The following NIBAN1 variants were observed in gnomAD, a reference collection of about 807,000 sequenced individuals.
NIBAN1 encodes the protein protein Niban 1.
In NIBAN1, 81 loss-of-function variants were observed where a neutral mutation model predicts 75.1. The ratio of observed to expected loss-of-function variants is 1.08; its 90% CI spans 0.90 to 1.30. The LOEUF is 1.30. Among genes scored for constraint, NIBAN1 ranks in the 50% most tolerant of loss-of-function variants. The probability of loss-of-function intolerance (pLI) is 0.00; values close to 1 mark genes in which losing one functional copy is unlikely to be tolerated. For missense variants in NIBAN1, 1,133 were observed against 1,128.1 expected (o/e 1.00, Z -0.06); for synonymous variants, 436 against 424.8 (o/e 1.03, Z -0.32).
chr1:184,890,270 T>A (rs778394599), intron 3 of NIBAN1, 48 bp from the exon 4 acceptor site: 1 of 1,401,886 alleles, frequency 7.1e-7, no homozygotes, highest in South Asian at 1.2e-5. Context: ...CCCCATTTGA[T>A]TTTTGGAAAA....
At chr1:184,873,051 AG>A (rs1656149844) in intron 5 of NIBAN1, among the ~76,000 whole-genome samples, 1 of 152,258 alleles carries the variant, frequency 6.6e-6, no homozygotes, top group Admixed American at 6.5e-5. Context: ...CAGTAATGGA[AG>A]CCAGAAGATC....
chr1:184,896,435 TG>T (rs1174385272), intron 2 of NIBAN1, among the ~76,000 whole-genome samples: 4 of 152,228 alleles, frequency 2.6e-5, no homozygotes, highest in Non-Finnish European at 5.9e-5. Context: ...TTGTAGATTC[TG>T]GATATTAGTC....
rs139070168 is a variant in NIBAN1 at position 184,926,299 on chromosome 1, G to A, written c.56-26990C>T. Among the ~76,000 whole-genome samples, 64 of 152,234 alleles carry A rather than the reference G, an allele frequency of 4.2e-4. 3 individuals are homozygous for A. The East Asian group carries it at 0.011, about 27-fold the overall frequency. ...ATCGCCCAGGCTGGAGTGCAGTGGTGCAATCTCTGCTCACTGCAACCTCCA... is the reference window on the plus strand; with the variant it reads ...ATCGCCCAGGCTGGAGTGCAGTGGTACAATCTCTGCTCACTGCAACCTCCA... On this transcript the variant is annotated intron_variant, in intron 1 of 13. Transcript: ENST00000367511.
chr1:184,905,652 C>T (rs776269115), intron 1 of NIBAN1, among the ~76,000 whole-genome samples: 11 of 152,270 alleles, frequency 7.2e-5, no homozygotes, highest in Non-Finnish European at 1.5e-4. Context: ...ACAGTCCCAA[C>T]CCGAGTAGAA....
chr1:184,868,963 G>A (rs1656028409), intron 5 of NIBAN1, among the ~76,000 whole-genome samples: 1 of 152,130 alleles, frequency 6.6e-6, no homozygotes, highest in Non-Finnish European at 1.5e-5. Context: ...CAGGACTGCT[G>A]TGAGGATTAA....
intron 9 of NIBAN1, among the ~76,000 whole-genome samples, chr1:184,814,761 T>C (rs1654480372): frequency 1.3e-5 from 2 of 152,332 alleles, no homozygotes; most frequent in Admixed American, 1.3e-4. Context: ...AAATATACAA[T>C]TTGAATGAAC....
intron 5 of NIBAN1, among the ~76,000 whole-genome samples, chr1:184,861,401 A>C (rs964388391): frequency 6.6e-6 from 1 of 152,130 alleles, no homozygotes; most frequent in African/African-American, 2.4e-5. Flanking sequence ...GGCAGGGATC[A>C]TGTCTGTTTT....
At chr1:184,806,111 C>G (rs554149617) in intron 10 of NIBAN1, 55 bp from the exon 11 acceptor site, 2 of 1,452,870 alleles carry the variant, frequency 1.4e-6, no homozygotes, top group East Asian at 2.3e-5. Flanking sequence ...GGGATCACCA[C>G]CCACAGGCCT....
At chr1:184,914,308 G>T (rs1036343549) in intron 1 of NIBAN1, among the ~76,000 whole-genome samples, 26 of 152,178 alleles carry the variant, frequency 1.7e-4, no homozygotes, top group African/African-American at 5.3e-4. Flanking sequence ...AATATAACGG[G>T]ATTCCTTCAG....
chr1:184,805,067 C>T (rs1027573664), intron 11 of NIBAN1, among the ~76,000 whole-genome samples: 5 of 152,174 alleles, frequency 3.3e-5, no homozygotes, highest in African/African-American at 9.7e-5. Context: ...GGATTACAGG[C>T]GTGAGCCACT....
chr1:184,825,687 C>T (rs899987441), intron 6 of NIBAN1, among the ~76,000 whole-genome samples: 4 of 152,206 alleles, frequency 2.6e-5, no homozygotes, highest in Non-Finnish European at 5.9e-5. Flanking sequence ...ATGCTACTGG[C>T]CCTTCCTTCT....
chr1:184,951,896 C>T (rs982344639), intron 1 of NIBAN1, among the ~76,000 whole-genome samples: 5 of 152,120 alleles, frequency 3.3e-5, no homozygotes, highest in African/African-American at 9.7e-5. Flanking sequence ...CTCATTCCTC[C>T]GTAACCACAC....
chr1:184,852,375 T>C (rs1378643225), intron 5 of NIBAN1, among the ~76,000 whole-genome samples: 5 of 152,302 alleles, frequency 3.3e-5, no homozygotes, highest in South Asian at 2.1e-4. Flanking sequence ...GCCTGTGTCA[T>C]AGGTGATGTC....
chr1:184,926,466 G>A (rs1011612472), intron 1 of NIBAN1, among the ~76,000 whole-genome samples: 3 of 152,184 alleles, frequency 2.0e-5, no homozygotes, highest in African/African-American at 7.2e-5. Flanking sequence ...TTGAACTCCT[G>A]ACCTCAAGTG....
intron 1 of NIBAN1, among the ~76,000 whole-genome samples, chr1:184,931,110 C>A (rs886145644): frequency 6.6e-6 from 1 of 151,178 alleles, no homozygotes; most frequent in African/African-American, 2.4e-5. Flanking sequence ...AGCAATTCTC[C>A]TGCCTCAGCC....
intron 2 of NIBAN1, among the ~76,000 whole-genome samples, chr1:184,896,547 C>T (rs1235807840): frequency 6.6e-6 from 1 of 152,044 alleles, no homozygotes; most frequent in Non-Finnish European, 1.5e-5. Flanking sequence ...TTTAGCATAA[C>T]TAAGTCCCAT....
intron 1 of NIBAN1, among the ~76,000 whole-genome samples, chr1:184,921,862 C>T (rs1199605657): frequency 1.3e-5 from 2 of 152,202 alleles, no homozygotes; most frequent in African/African-American, 2.4e-5. Context: ...TGGTTATTTT[C>T]AGCACGTAGG....
At chr1:184,882,968 T>C (rs1338667250) in intron 5 of NIBAN1, among the ~76,000 whole-genome samples, 1 of 152,162 alleles carries the variant, frequency 6.6e-6, no homozygotes, top group African/African-American at 2.4e-5. Context: ...TATGATCCAG[T>C]ATGATGATGA....
At chr1:184,885,331 C>G (rs916029347) in intron 4 of NIBAN1, among the ~76,000 whole-genome samples, 1 of 152,138 alleles carries the variant, frequency 6.6e-6, no homozygotes, top group Non-Finnish European at 1.5e-5. Flanking sequence ...AGCCACCGCA[C>G]CCGGCTAGTT....
Sources: allele counts gnomAD v4.1 joint callset (sites outside exome capture counted in the v4.1 genomes callset), GRCh38; gene constraint gnomAD v4.1.1; transcripts MANE v1.5; gene names NCBI Gene and HGNC (gene_info 2026-07-23, HGNC 2026-07-21).